The following ABTB3 variants were observed in gnomAD, a reference collection of about 807,000 sequenced individuals.
ABTB3 encodes ankyrin repeat and BTB domain containing 3.
the ABTB3 span, among the ~76,000 whole-genome samples, chr12:107,400,742 C>T: frequency 1.3e-5 from 2 of 152,026 alleles, no homozygotes; most frequent in Admixed American, 6.5e-5. Context: ...GACTTACACC[C>T]CCCCGCAAGA....
At chr12:107,420,357 G>T in the ABTB3 span, among the ~76,000 whole-genome samples, 1 of 152,114 alleles carries the variant, frequency 6.6e-6, no homozygotes, top group African/African-American at 2.4e-5. Flanking sequence ...TGGACTAACG[G>T]TTTCACATGG....
chr12:107,570,182 T>C, the ABTB3 span, among the ~76,000 whole-genome samples: 1 of 152,234 alleles, frequency 6.6e-6, no homozygotes, highest in Non-Finnish European at 1.5e-5. Flanking sequence ...CAGCAGCCTC[T>C]GCCACAGTAT....
chr12:107,626,343 C>CTTTTTTTTTTTTTTTT, the ABTB3 span, among the ~76,000 whole-genome samples: 6 of 112,530 alleles, frequency 5.3e-5, no homozygotes, highest in African/African-American at 1.4e-4. Context: ...CTATCGTCAT[C>CTTTTTTTTTTTTTTTT]TTTTTTTTTT....
At chr12:107,466,249 C>G in the ABTB3 span, among the ~76,000 whole-genome samples, 4 of 151,714 alleles carry the variant, frequency 2.6e-5, no homozygotes, top group Admixed American at 6.6e-5. Context: ...AAGGAGAAGA[C>G]AGCAGTTGGT....
At chr12:107,429,430 C>G in the ABTB3 span, among the ~76,000 whole-genome samples, 1 of 152,258 alleles carries the variant, frequency 6.6e-6, no homozygotes, top group Non-Finnish European at 1.5e-5. Context: ...CTGCTCAGCT[C>G]TCTTCACTGG....
At chr12:107,443,558 G>T in the ABTB3 span, among the ~76,000 whole-genome samples, 1 of 152,134 alleles carries the variant, frequency 6.6e-6, no homozygotes, top group African/African-American at 2.4e-5. Flanking sequence ...GAACAGCAGG[G>T]ACAGCAGTAT....
chr12:107,533,831 TCAA>T, the ABTB3 span, among the ~76,000 whole-genome samples: 50 of 152,326 alleles, frequency 3.3e-4, no homozygotes, highest in East Asian at 7.9e-3. Context: ...CACATTTTTC[TCAA>T]CAACACATGG....
At chr12:107,538,563 G>A in the ABTB3 span, among the ~76,000 whole-genome samples, 1 of 152,202 alleles carries the variant, frequency 6.6e-6, no homozygotes, top group East Asian at 1.9e-4. Context: ...CAGGAAGTCT[G>A]ATCAGAGAGA....
chr12:107,415,666 C>T, the ABTB3 span, among the ~76,000 whole-genome samples: 1 of 151,650 alleles, frequency 6.6e-6, no homozygotes, highest in Non-Finnish European at 1.5e-5. Context: ...CGAGATCACG[C>T]CACTGCACTC....
the ABTB3 span, among the ~76,000 whole-genome samples, chr12:107,462,626 G>A: frequency 6.6e-6 from 1 of 152,222 alleles, no homozygotes; most frequent in African/African-American, 2.4e-5. Flanking sequence ...TGGTGATGAT[G>A]ATGGTGGTAA....
the ABTB3 span, among the ~76,000 whole-genome samples, chr12:107,321,075 G>A: frequency 6.6e-6 from 1 of 152,200 alleles, no homozygotes; most frequent in African/African-American, 2.4e-5. Flanking sequence ...ACACTTCAAA[G>A]CTTCAATTTT....
At chr12:107,395,208 C>A in the ABTB3 span, among the ~76,000 whole-genome samples, 1 of 152,354 alleles carries the variant, frequency 6.6e-6, no homozygotes, top group African/African-American at 2.4e-5. Flanking sequence ...ACTGGTGTTT[C>A]TGCCTTGGTT....
At chr12:107,456,035 T>C in the ABTB3 span, among the ~76,000 whole-genome samples, 1 of 152,218 alleles carries the variant, frequency 6.6e-6, no homozygotes, top group Non-Finnish European at 1.5e-5. Flanking sequence ...GCAAAGAATG[T>C]GGACAACAGA....
chr12:107,438,367 G>T, the ABTB3 span, among the ~76,000 whole-genome samples: 1 of 152,160 alleles, frequency 6.6e-6, no homozygotes, highest in Admixed American at 6.5e-5. Flanking sequence ...AAACAAGTTT[G>T]CCTTTCAAAA....
chr12:107,321,997 A>T, the ABTB3 span, among the ~76,000 whole-genome samples: 1 of 152,082 alleles, frequency 6.6e-6, no homozygotes, highest in Admixed American at 6.6e-5. Flanking sequence ...TGGACAAGTC[A>T]CTTTACATCT....
the ABTB3 span, among the ~76,000 whole-genome samples, chr12:107,404,167 A>C: frequency 6.8e-6 from 1 of 146,932 alleles, no homozygotes. Flanking sequence ...TAACTCAAAA[A>C]AAAAAAAAAA....
the ABTB3 span, among the ~76,000 whole-genome samples, chr12:107,600,313 G>C: frequency 6.6e-6 from 1 of 152,172 alleles, no homozygotes; most frequent in South Asian, 2.1e-4. Flanking sequence ...ACAGTCCACA[G>C]TTTATGAGAT....
chr12:107,475,749 A>G, the ABTB3 span, among the ~76,000 whole-genome samples: 2 of 152,082 alleles, frequency 1.3e-5, no homozygotes. Context: ...AGGCACTAAG[A>G]GGTCAAGAAT....
At chr12:107,377,670 T>A in the ABTB3 span, among the ~76,000 whole-genome samples, 1 of 152,096 alleles carries the variant, frequency 6.6e-6, no homozygotes, top group Non-Finnish European at 1.5e-5. Flanking sequence ...GCTGAGCTAC[T>A]GTAAACATAC....
Sources: allele counts gnomAD v4.1 joint callset (sites outside exome capture counted in the v4.1 genomes callset), GRCh38; gene constraint gnomAD v4.1.1; transcripts MANE v1.5; gene names NCBI Gene and HGNC (gene_info 2026-07-23, HGNC 2026-07-21).